ANXA8: variants seen among roughly 807,000 people sequenced by gnomAD.
ANXA8 encodes the protein VAC-beta.
In ANXA8, 9 loss-of-function variants were observed where a neutral mutation model predicts 26.8. That is an observed-to-expected ratio of 0.34 (90% CI 0.20 to 0.59). The LOEUF is 0.59. Among genes scored for constraint, ANXA8 ranks in the 20% least tolerant of loss-of-function variants. The pLI is 0.84. For synonymous variants in ANXA8, 39 were observed against 94.8 expected (o/e 0.41, Z 3.42); for missense variants, 83 against 238.5 (o/e 0.35, Z 4.29).
At chr10:47,703,458 T>C in the ANXA8 span, among the ~76,000 whole-genome samples, 33 of 150,524 alleles carry the variant, frequency 2.2e-4, no homozygotes, top group South Asian at 1.3e-3. Context: ...GTCCCAGCTA[T>C]TCGGGAGGCT....
chr10:47,599,851 G>T, the ANXA8 span: 1 of 150,028 alleles, frequency 6.7e-6, no homozygotes, highest in Non-Finnish European at 1.5e-5. Flanking sequence ...CGCACTGTTG[G>T]GTGCAAAGGG....
chr10:47,565,035 C>G, the ANXA8 span: 1 of 811,376 alleles, frequency 1.2e-6, no homozygotes, highest in Non-Finnish European at 2.2e-6. Context: ...ATCGCCATCG[C>G]CTACATCATG....
chr10:47,484,533 T>C (rs1313252900), upstream of ANXA8: 18 of 1,469,304 alleles, frequency 1.2e-5, no homozygotes, highest in African/African-American at 1.1e-4. Context: ...AGCCACCTTA[T>C]ACAGCATGCC....
the ANXA8 span, among the ~76,000 whole-genome samples, chr10:47,952,550 G>A: frequency 6.8e-6 from 1 of 147,156 alleles, no homozygotes; most frequent in East Asian, 2.1e-4. Flanking sequence ...AAATCTCTGT[G>A]TAAAAAACTA....
At chr10:47,488,713 A>ATTTTTTTTTT (rs1160121365), upstream of ANXA8, among the ~76,000 whole-genome samples, 17 of 62,118 alleles carry the variant, frequency 2.7e-4, no homozygotes, top group African/African-American at 5.7e-4. Flanking sequence ...TACATGTTAA[A>ATTTTTTTTTT]TTTTTTTTTT....
chr10:47,646,443 G>A, the ANXA8 span, among the ~76,000 whole-genome samples: 1 of 144,406 alleles, frequency 6.9e-6, no homozygotes. Context: ...CTTATGACAT[G>A]CTAAAATTTA....
At chr10:47,649,555 C>T in the ANXA8 span, among the ~76,000 whole-genome samples, 67 of 151,204 alleles carry the variant, frequency 4.4e-4, no homozygotes, top group African/African-American at 4.9e-4. Context: ...ACTACAGGCA[C>T]GCACCACCAC....
the ANXA8 span, chr10:47,564,884 T>C: frequency 6.9e-6 from 10 of 1,446,650 alleles, no homozygotes; most frequent in Non-Finnish European, 9.7e-6. Context: ...GAGCCACTTC[T>C]TGCGGGTCCC....
chr10:47,898,953 C>T, the ANXA8 span, among the ~76,000 whole-genome samples: 13 of 149,828 alleles, frequency 8.7e-5, no homozygotes, highest in Admixed American at 7.3e-4. Flanking sequence ...TGTGCCTCAG[C>T]CTCCCGAGTA....
chr10:47,487,085 C>A (rs1389385787), upstream of ANXA8: 4 of 778,726 alleles, frequency 5.1e-6, no homozygotes, highest in Non-Finnish European at 6.0e-6. Context: ...CCCCAAACAC[C>A]CTGATTGATC....
the ANXA8 span, among the ~76,000 whole-genome samples, chr10:47,901,646 C>G: frequency 8.3e-6 from 1 of 120,924 alleles, no homozygotes; most frequent in African/African-American, 3.3e-5. Context: ...CTTACTTGGA[C>G]CATAGTTGAC....
At chr10:47,720,232 C>A in the ANXA8 span, among the ~76,000 whole-genome samples, 2 of 145,248 alleles carry the variant, frequency 1.4e-5, no homozygotes, top group South Asian at 2.2e-4. Flanking sequence ...ACCCAGGAAT[C>A]GTTATAGGAA....
chr10:47,929,922 GT>G, the ANXA8 span, among the ~76,000 whole-genome samples: 6 of 152,196 alleles, frequency 3.9e-5, no homozygotes, highest in South Asian at 2.1e-4. Context: ...CTACAACTTT[GT>G]TCAACCCTCC....
the ANXA8 span, among the ~76,000 whole-genome samples, chr10:47,951,322 C>T: frequency 1.3e-5 from 2 of 150,936 alleles, no homozygotes; most frequent in African/African-American, 4.9e-5. Flanking sequence ...AGGAAAATTC[C>T]GGGCTCCAGT....
chr10:47,684,641 A>C, the ANXA8 span, among the ~76,000 whole-genome samples: 1 of 151,778 alleles, frequency 6.6e-6, no homozygotes, highest in South Asian at 2.1e-4. Context: ...GCTGGAGGGC[A>C]GTGGCCCGAT....
the ANXA8 span, among the ~76,000 whole-genome samples, chr10:47,666,707 A>T: frequency 2.0e-5 from 3 of 151,242 alleles, no homozygotes; most frequent in African/African-American, 7.4e-5. Flanking sequence ...ATACTTTTTA[A>T]TCTTAATTTT....
chr10:47,683,799 T>C, the ANXA8 span, among the ~76,000 whole-genome samples: 1 of 151,094 alleles, frequency 6.6e-6, no homozygotes. Flanking sequence ...TTTGATGCTA[T>C]TGAGCAACTT....
chr10:47,665,671 G>A, the ANXA8 span, among the ~76,000 whole-genome samples: 1 of 149,426 alleles, frequency 6.7e-6, no homozygotes, highest in African/African-American at 2.6e-5. Flanking sequence ...TACTAGCTGT[G>A]GGGAGCACAA....
chr10:47,937,401 T>C, the ANXA8 span, among the ~76,000 whole-genome samples: 2 of 149,794 alleles, frequency 1.3e-5, no homozygotes, highest in Non-Finnish European at 3.0e-5. Context: ...TCCATGGTTT[T>C]TTTAAAAGTT....
Sources: gnomAD v4.1 joint callset for allele counts (sites outside exome capture counted in the v4.1 genomes callset) on GRCh38, gnomAD v4.1.1 for gene constraint, MANE v1.5 for transcripts, NCBI Gene and HGNC (gene_info 2026-07-23, HGNC 2026-07-21) for gene names.